Variants in KLF8 observed in about 807,000 individuals in gnomAD.
KLF8 encodes KLF transcription factor 8, also known as Krueppel-like factor 8.
KLF8 carries 10 observed loss-of-function variants against 18.2 expected under a neutral mutation model. The observed-to-expected ratio is 0.55, with a 90% CI of 0.34 to 0.93. The LOEUF (loss-of-function observed/expected upper bound fraction) is 0.93, where lower values mean the gene tolerates loss of function less well. KLF8 is among the 40% of genes least tolerant of loss of function. The pLI is 0.02. For synonymous variants in KLF8, 109 were observed against 97.3 expected, an observed-to-expected ratio of 1.12 and a Z score of -0.71; for missense variants, 264 against 277.9, an observed-to-expected ratio of 0.95 and a Z score of 0.36.
At chrX:56,243,830 G>A (rs1034690814) in intron 1 of KLF8, among the ~76,000 whole-genome samples, 8 of 110,820 alleles carry the variant, frequency 7.2e-5, no homozygotes, top group African/African-American at 2.3e-4. Context: ...CACCACGCCC[G>A]GCCCAAAACT....
chrX:56,080,087 C>T, the KLF8 span, among the ~76,000 whole-genome samples: 1 of 111,275 alleles, frequency 9.0e-6, no homozygotes, highest in African/African-American at 3.3e-5. Flanking sequence ...CCTGATGGGT[C>T]TTGACTCTTT....
the KLF8 span, among the ~76,000 whole-genome samples, chrX:55,947,458 A>G: frequency 6.5e-5 from 6 of 92,728 alleles, no homozygotes; most frequent in Non-Finnish European, 1.0e-4. Context: ...GGACACAGGA[A>G]GGGGAACATC....
In KLF8 at chrX:56,284,458, C is replaced by T; in HGVS notation, c.1044C>T (p.His348=). Residue 348 remains histidine, a synonymous_variant, in exon 6 of 6, where the codon CAC becomes CAT. Transcript: ENST00000468660. The part of the protein sequence containing the change: ...DCNRSFSRSD[H]LSLHRRRHDT... The stretch of plus-strand genomic sequence containing the variant: ...ACCGCAGCTTTTCTCGTTCTGACCA[C>T]CTGTCCCTGCATCGCCGTCGCCATG... The T allele has an allele frequency of 1.7e-6, 2 of 1,204,157 alleles. No homozygotes were observed. The highest frequency in any genetic ancestry group is 2.2e-6 in the Non-Finnish European group (2 of 892,289).
the KLF8 span, among the ~76,000 whole-genome samples, chrX:56,194,699 G>A: frequency 4.5e-5 from 5 of 112,307 alleles, no homozygotes; most frequent in East Asian, 1.4e-3. Flanking sequence ...GCTCTGAAGA[G>A]CAGTGGTTCT....
At chrX:56,186,226 C>T in the KLF8 span, among the ~76,000 whole-genome samples, 1 of 111,066 alleles carries the variant, frequency 9.0e-6, no homozygotes, top group Non-Finnish European at 1.9e-5. Flanking sequence ...GGTTGCAATC[C>T]TAGTCTCTGA....
Position 56,288,563 on chromosome X carries a change from C to T in KLF8, c.*4069C>T, listed in dbSNP as rs996921395. ...GCAAATATTACAATAAAGCAAGTCA[C>T]ACAAATTTTTTGGTTTCCCAGTGCA... is the stretch of plus-strand genomic sequence containing the variant. On this transcript the variant is annotated 3_prime_UTR_variant, in exon 6 of 6. Coordinates refer to ENST00000468660, the MANE Select transcript of KLF8 (RefSeq NM_007250.5). Among the ~76,000 whole-genome samples, 5 of 98,368 alleles carry T rather than the reference C, an allele frequency of 5.1e-5. No individual in the cohort carries two copies. Among genetic ancestry groups the T allele is most frequent in the African/African-American group, 2.7e-4 (5 of 18,299 alleles). The allele number at this position is 98,368 out of a possible 115,157, so 85.4% of individuals were successfully genotyped here.
the KLF8 span, among the ~76,000 whole-genome samples, chrX:56,012,302 G>A: frequency 5.4e-5 from 6 of 111,735 alleles, no homozygotes; most frequent in East Asian, 5.6e-4. Flanking sequence ...ATGCAAGGCC[G>A]ATTCAACCCA....
chrX:56,172,880 G>A, the KLF8 span, among the ~76,000 whole-genome samples: 1 of 112,149 alleles, frequency 8.9e-6, no homozygotes, highest in African/African-American at 3.2e-5. Flanking sequence ...TTTTTCATGT[G>A]TCTTTTGGCT....
chrX:56,094,154 T>C, the KLF8 span, among the ~76,000 whole-genome samples: 1 of 109,995 alleles, frequency 9.1e-6, no homozygotes, highest in Non-Finnish European at 1.9e-5. Context: ...AATACACCAA[T>C]TAAAAGACAT....
the KLF8 span, among the ~76,000 whole-genome samples, chrX:56,131,939 C>T: frequency 3.0e-4 from 33 of 111,784 alleles, no homozygotes; most frequent in Admixed American, 1.4e-3. Context: ...AGGCAAATAT[C>T]GCAATCCTAA....
chrX:56,023,405 G>A, the KLF8 span, among the ~76,000 whole-genome samples: 1 of 111,837 alleles, frequency 8.9e-6, no homozygotes, highest in South Asian at 3.7e-4. Flanking sequence ...ATCCAACCAC[G>A]TGCTTTCTAT....
At chrX:55,990,881 C>T in the KLF8 span, among the ~76,000 whole-genome samples, 1 of 111,279 alleles carries the variant, frequency 9.0e-6, no homozygotes, top group African/African-American at 3.3e-5. Flanking sequence ...AGAGGAGTAC[C>T]CAGCCGTATG....
At chrX:56,137,058 C>T in the KLF8 span, among the ~76,000 whole-genome samples, 3 of 110,703 alleles carry the variant, frequency 2.7e-5, no homozygotes, top group Non-Finnish European at 3.8e-5. Context: ...CAATGAGATA[C>T]CATCTCACAC....
chrX:55,957,898 C>T, the KLF8 span, among the ~76,000 whole-genome samples: 13 of 111,521 alleles, frequency 1.2e-4, no homozygotes, highest in Admixed American at 1.0e-3. Context: ...TTTATAACAA[C>T]CCTATAAAGT....
At chrX:56,122,182 G>T in the KLF8 span, among the ~76,000 whole-genome samples, 11 of 110,918 alleles carry the variant, frequency 9.9e-5, no homozygotes, top group African/African-American at 3.6e-4. Flanking sequence ...GACAGTTAAT[G>T]GTCTATTTGA....
At chrX:56,206,249 T>A in the KLF8 span, among the ~76,000 whole-genome samples, 1 of 110,751 alleles carries the variant, frequency 9.0e-6, no homozygotes, top group Non-Finnish European at 1.9e-5. Flanking sequence ...TCACATCTCA[T>A]GTCCTCATAT....
chrX:56,149,775 A>G, the KLF8 span, among the ~76,000 whole-genome samples: 1 of 111,084 alleles, frequency 9.0e-6, no homozygotes, highest in East Asian at 2.8e-4. Flanking sequence ...TAGAAAATCC[A>G]AAGATCTGGC....
At chrX:56,166,859 T>C in the KLF8 span, among the ~76,000 whole-genome samples, 2 of 111,545 alleles carry the variant, frequency 1.8e-5, no homozygotes, top group African/African-American at 3.3e-5. Flanking sequence ...ATAGAGGTGC[T>C]CCAGATGTGA....
At chrX:56,144,978 A>G in the KLF8 span, among the ~76,000 whole-genome samples, 1,340 of 107,967 alleles carry the variant, frequency 0.012, 19 homozygotes, top group African/African-American at 0.043. Context: ...TTTTTGGTAG[A>G]GATGGGGTTT....
Sources: gnomAD v4.1 joint callset for allele counts (sites outside exome capture counted in the v4.1 genomes callset) on GRCh38, gnomAD v4.1.1 for gene constraint, MANE v1.5 for transcripts, NCBI Gene and HGNC (gene_info 2026-07-23, HGNC 2026-07-21) for gene names.